SPOCK1: variants seen among roughly 807,000 people sequenced by gnomAD.
SPOCK1 encodes SPARC (osteonectin), cwcv and kazal like domains proteoglycan 1.
Under a neutral mutation model 55.3 loss-of-function variants are expected in SPOCK1, and 23 were observed. The observed-to-expected ratio is 0.42, with a 90% confidence interval of 0.30 to 0.59. SPOCK1 has a LOEUF of 0.59. Ranked by LOEUF, SPOCK1 falls within the 20% of genes least tolerant of loss-of-function variation. The pLI is 0.22. For synonymous variants in SPOCK1, 226 were observed against 221.0 expected (o/e 1.02, Z -0.20); for missense variants, 499 against 552.5 (o/e 0.90, Z 0.97).
intron 3 of SPOCK1, among the ~76,000 whole-genome samples, chr5:137,176,429 C>T (rs1219106902): frequency 3.9e-5 from 6 of 151,922 alleles, no homozygotes; most frequent in Non-Finnish European, 8.8e-5. Flanking sequence ...CTAAAATAGA[C>T]TTGAGATGTT....
chr5:137,226,445 T>C (rs1416037414), intron 3 of SPOCK1, among the ~76,000 whole-genome samples: 1 of 152,210 alleles, frequency 6.6e-6, no homozygotes, highest in African/African-American at 2.4e-5. Context: ...TGATGCTGGA[T>C]TGCAAAGTGC....
At chr5:137,271,628 C>T (rs1756966090) in intron 2 of SPOCK1, among the ~76,000 whole-genome samples, 2 of 151,760 alleles carry the variant, frequency 1.3e-5, no homozygotes, top group African/African-American at 4.8e-5. Flanking sequence ...TACCATAGCC[C>T]CAAAATGACT....
chr5:137,013,508 A>G (rs1751393202), intron 6 of SPOCK1, among the ~76,000 whole-genome samples: 1 of 152,226 alleles, frequency 6.6e-6, no homozygotes, highest in Non-Finnish European at 1.5e-5. Flanking sequence ...TATGTGCAGT[A>G]TATAATTGGT....
intron 3 of SPOCK1, among the ~76,000 whole-genome samples, chr5:137,215,516 A>C (rs1383436433): frequency 6.6e-6 from 1 of 152,252 alleles, no homozygotes; most frequent in Non-Finnish European, 1.5e-5. Context: ...CCTGGAATGT[A>C]AATTTTACTG....
At chr5:137,338,048 G>A (rs1266215005) in intron 2 of SPOCK1, among the ~76,000 whole-genome samples, 1 of 152,046 alleles carries the variant, frequency 6.6e-6, no homozygotes, top group Non-Finnish European at 1.5e-5. Flanking sequence ...TATACTTTAA[G>A]TTTTAGGGTA....
chr5:137,439,590 C>A (rs1175981696), intron 2 of SPOCK1, among the ~76,000 whole-genome samples: 1 of 152,150 alleles, frequency 6.6e-6, no homozygotes, highest in East Asian at 1.9e-4. Flanking sequence ...TCTACCATGG[C>A]AAAATACAGG....
intron 3 of SPOCK1, among the ~76,000 whole-genome samples, chr5:137,188,225 C>T (rs1472003343): frequency 1.3e-5 from 2 of 152,226 alleles, no homozygotes; most frequent in Admixed American, 6.5e-5. Context: ...TTGCCGCTTG[C>T]TCCAGCCACA....
chr5:137,172,715 C>A (rs972162645), intron 3 of SPOCK1, among the ~76,000 whole-genome samples: 4 of 152,122 alleles, frequency 2.6e-5, no homozygotes, highest in Non-Finnish European at 5.9e-5. Context: ...ACACTCCTTA[C>A]CCCAGGGACA....
chr5:137,484,034 G>A lies in SPOCK1; in HGVS notation c.186+14339C>T, dbSNP rs111585763. 3.3e-4 allele frequency among the ~76,000 whole-genome samples: 51 copies of A among 152,268 alleles called. No homozygotes were observed. In the Middle Eastern group the frequency reaches 0.02, roughly 61 times the overall value. ...TGAACACAAATGAAGACTGAGATGCGGGCCCAAGCCTTGTCTGTATTCGAC... is the reference window on the plus strand; with the variant it reads ...TGAACACAAATGAAGACTGAGATGCAGGCCCAAGCCTTGTCTGTATTCGAC... On this transcript the variant is annotated intron_variant, in intron 2 of 10. Transcript: ENST00000394945.
intron 2 of SPOCK1, among the ~76,000 whole-genome samples, chr5:137,389,777 T>C (rs978017242): frequency 1.3e-5 from 2 of 152,246 alleles, no homozygotes; most frequent in Non-Finnish European, 2.9e-5. Context: ...TCGAGTTCCA[T>C]GCAGCTTAGC....
At chr5:137,170,214 ATTG>A (rs1262207892) in intron 3 of SPOCK1, among the ~76,000 whole-genome samples, 2 of 152,106 alleles carry the variant, frequency 1.3e-5, no homozygotes, top group Non-Finnish European at 2.9e-5. Context: ...TAGTTGTTAT[ATTG>A]TTTTTATTTG....
At chr5:137,227,123 A>C (rs1391636115) in intron 3 of SPOCK1, among the ~76,000 whole-genome samples, 1 of 152,214 alleles carries the variant, frequency 6.6e-6, no homozygotes, top group African/African-American at 2.4e-5. Flanking sequence ...AGTTCAAAGC[A>C]TGCAGGGAAT....
At chr5:137,209,993 T>C (rs1755582765) in intron 3 of SPOCK1, among the ~76,000 whole-genome samples, 1 of 152,216 alleles carries the variant, frequency 6.6e-6, no homozygotes, top group African/African-American at 2.4e-5. Flanking sequence ...AGATTTGATA[T>C]TGATTTTTTG....
chr5:137,438,079 A>G (rs1441681619), intron 2 of SPOCK1, among the ~76,000 whole-genome samples: 1 of 152,092 alleles, frequency 6.6e-6, no homozygotes, highest in Non-Finnish European at 1.5e-5. Flanking sequence ...ATGTTTTAGC[A>G]TATGTCAGAA....
At position 137,385,762 on chromosome 5, in the gene SPOCK1, A is replaced by G. The variant is rs147761329; in HGVS notation, c.186+112611T>C. Among the ~76,000 whole-genome samples, 71 of 152,284 alleles carry G rather than the reference A, an allele frequency of 4.7e-4. 1 individual carries two copies. Among genetic ancestry groups the G allele is most frequent in the Middle Eastern group, 3.4e-3 (1 of 294 alleles). ...ATAAACCAACCCATTCATCCATTCTACGGCATTCACTGAACACATACTCTG... is the reference window on the plus strand; with the variant it reads ...ATAAACCAACCCATTCATCCATTCTGCGGCATTCACTGAACACATACTCTG... On this transcript the variant is annotated intron_variant, in intron 2 of 10. Transcript: ENST00000394945.
intron 2 of SPOCK1, among the ~76,000 whole-genome samples, chr5:137,440,976 G>C (rs1009254231): frequency 2.6e-5 from 4 of 152,288 alleles, no homozygotes; most frequent in Admixed American, 2.6e-4. Flanking sequence ...ATGACTGTTG[G>C]AGGGCAGTAA....
intron 6 of SPOCK1, among the ~76,000 whole-genome samples, chr5:136,997,473 C>T (rs1751066616): frequency 6.6e-6 from 1 of 152,134 alleles, no homozygotes; most frequent in African/African-American, 2.4e-5. Context: ...GATCAAGTCA[C>T]TCTCCTGTTT....
chr5:137,313,010 T>C (rs910034554), intron 2 of SPOCK1, among the ~76,000 whole-genome samples: 1 of 152,072 alleles, frequency 6.6e-6, no homozygotes. Context: ...ACCAGGAGTA[T>C]CCTGGGTTGC....
At chr5:137,098,272 G>A (rs1224314402) in intron 5 of SPOCK1, among the ~76,000 whole-genome samples, 4 of 152,144 alleles carry the variant, frequency 2.6e-5, no homozygotes, top group African/African-American at 4.8e-5. Context: ...CTCTTAACTC[G>A]GACACTGCTG....
Sources: gnomAD v4.1 joint callset for allele counts (sites outside exome capture counted in the v4.1 genomes callset) on GRCh38, gnomAD v4.1.1 for gene constraint, MANE v1.5 for transcripts, NCBI Gene and HGNC (gene_info 2026-07-23, HGNC 2026-07-21) for gene names.